Variants in PLA2G12B observed in about 807,000 individuals in gnomAD.
The protein encoded by PLA2G12B is phospholipase A2 group XIIB.
A neutral mutation model predicts 22.3 loss-of-function variants in PLA2G12B; 19 were observed. That is an observed-to-expected ratio of 0.85 (90% CI 0.60 to 1.25). PLA2G12B has a LOEUF of 1.25. Ranked by LOEUF, PLA2G12B falls within the 50% of genes most tolerant of loss-of-function variation. The pLI, the probability that PLA2G12B is intolerant of heterozygous loss-of-function variation, is 0.00. For missense variants in PLA2G12B, 191 were observed against 246.6 expected (o/e 0.77, Z 1.51); for synonymous variants, 81 against 94.9 (o/e 0.85, Z 0.85).
At position 72,949,597 on chromosome 10, in the gene PLA2G12B, C is replaced by T. The variant is rs537582854; in HGVS notation, c.211+4878G>A. ...TGTTACAAAGAACAGATAATGATAA[C>T]GAATGAATAATAAGAGTATTTACTA... On this transcript the variant is annotated intron_variant, in intron 1 of 3. Coordinates refer to ENST00000373032, the MANE Select transcript of PLA2G12B (RefSeq NM_032562.5). Among the ~76,000 whole-genome samples, 15 of 152,194 alleles carry T rather than the reference C, an allele frequency of 9.9e-5. No individual in the cohort carries two copies. In the South Asian group the frequency reaches 1.9e-3, roughly 19 times the overall value.
chr10:72,938,807 T>G (rs1299791425), intron 3 of PLA2G12B, among the ~76,000 whole-genome samples: 1 of 152,128 alleles, frequency 6.6e-6, no homozygotes, highest in African/African-American at 2.4e-5. Flanking sequence ...CTTGGAGAAA[T>G]TGACAAGCAG....
At chr10:72,944,525 G>A (rs1271227217) in intron 1 of PLA2G12B, among the ~76,000 whole-genome samples, 1 of 152,038 alleles carries the variant, frequency 6.6e-6, no homozygotes, top group Non-Finnish European at 1.5e-5. Flanking sequence ...GTATAGATTT[G>A]GAGACAACTG....
At chr10:72,946,403 A>T (rs1314796796) in intron 1 of PLA2G12B, among the ~76,000 whole-genome samples, 2 of 152,242 alleles carry the variant, frequency 1.3e-5, no homozygotes, top group Non-Finnish European at 2.9e-5. Flanking sequence ...TATCATGAAT[A>T]ATACTGCTAC....
At chr10:72,943,500 CA>C (rs1846394306) in intron 1 of PLA2G12B, among the ~76,000 whole-genome samples, 1 of 152,184 alleles carries the variant, frequency 6.6e-6, no homozygotes, top group South Asian at 2.1e-4. Context: ...TAAACGTAGA[CA>C]GAGTATTATT....
chr10:72,944,780 T>C (rs1003988835), intron 1 of PLA2G12B, among the ~76,000 whole-genome samples: 3 of 152,228 alleles, frequency 2.0e-5, no homozygotes. Context: ...TGCTTCTAGC[T>C]TTCTGCTCTA....
rs982633174 is a variant in PLA2G12B, at chr10:72,954,533, A to C, written c.153T>G (p.Asp51Glu). The C allele has an allele frequency of 1.2e-6, 2 of 1,614,202 alleles. No individual in the cohort carries two copies. Among genetic ancestry groups the C allele is most frequent in the East Asian group, 4.5e-5 (2 of 44,866 alleles). ...TCCCTCCCAGCAGCTCCAGAAAAGA[A>C]TCGAAGTAGCTATTGACGGATTCAA... ...GSFESVNSYFDSFLELLGGKN... is the reference protein window; with the variant it reads ...GSFESVNSYFESFLELLGGKN... Residue 51 changes from aspartate (D) to glutamate (E), a missense_variant, in exon 1 of 4, where the codon GAT becomes GAG. Coordinates refer to ENST00000373032, the MANE Select transcript of PLA2G12B (RefSeq NM_032562.5).
chr10:72,939,408 C>A (rs891234051), intron 3 of PLA2G12B, among the ~76,000 whole-genome samples: 51 of 151,496 alleles, frequency 3.4e-4, no homozygotes, highest in African/African-American at 1.2e-3. Flanking sequence ...AAGGAAAAAT[C>A]AAATATTCTG....
intron 1 of PLA2G12B, among the ~76,000 whole-genome samples, chr10:72,952,460 A>C (rs138266861): frequency 4.6e-4 from 70 of 152,360 alleles, no homozygotes; most frequent in African/African-American, 1.6e-3. Context: ...TGGGGCCCAG[A>C]GATCTGGTTG....
At chr10:72,939,070 T>C (rs1283052927) in intron 3 of PLA2G12B, among the ~76,000 whole-genome samples, 4 of 152,208 alleles carry the variant, frequency 2.6e-5, no homozygotes, top group Non-Finnish European at 5.9e-5. Flanking sequence ...ATTCATGGTT[T>C]CCTCAAGCTG....
chr10:72,949,373 C>T (rs1215001237), intron 1 of PLA2G12B, among the ~76,000 whole-genome samples: 1 of 152,086 alleles, frequency 6.6e-6, no homozygotes, highest in Non-Finnish European at 1.5e-5. Flanking sequence ...CTGAATTCGA[C>T]CATATTATTT....
At chr10:72,951,989 T>G (rs1454906686) in intron 1 of PLA2G12B, among the ~76,000 whole-genome samples, 1 of 152,200 alleles carries the variant, frequency 6.6e-6, no homozygotes, top group Non-Finnish European at 1.5e-5. Context: ...GCTGAAGTTC[T>G]CTAAGAATGA....
chr10:72,948,066 G>A (rs567202461), intron 1 of PLA2G12B, among the ~76,000 whole-genome samples: 1 of 152,224 alleles, frequency 6.6e-6, no homozygotes, highest in Non-Finnish European at 1.5e-5. Flanking sequence ...AGTAGAGACG[G>A]GGTTTCACCA....
Position 72,934,849 on chromosome 10 carries a change from T to C in PLA2G12B, c.*768A>G, listed in dbSNP as rs551663540. On this transcript the variant is annotated 3_prime_UTR_variant, in exon 4 of 4. Coordinates refer to ENST00000373032, the MANE Select transcript of PLA2G12B (RefSeq NM_032562.5). ...CACTTGTCTCTCACTCCCGACAGGCTGCAGGGACTTTTCCTAGCTAGCTCC... is the reference window on the plus strand; with the variant it reads ...CACTTGTCTCTCACTCCCGACAGGCCGCAGGGACTTTTCCTAGCTAGCTCC... 6.6e-6 allele frequency among the ~76,000 whole-genome samples: 1 copy of C among 152,346 alleles called. No individual in the cohort carries two copies. Among genetic ancestry groups the C allele is most frequent in the Admixed American group, 6.5e-5 (1 of 15,308 alleles).
chr10:72,949,032 A>G (rs1846485647), intron 1 of PLA2G12B, among the ~76,000 whole-genome samples: 1 of 152,100 alleles, frequency 6.6e-6, no homozygotes, highest in Non-Finnish European at 1.5e-5. Flanking sequence ...CCTTCCCGGG[A>G]GGGTGCGTCC....
chr10:72,944,931 C>T (rs546782639), intron 1 of PLA2G12B, among the ~76,000 whole-genome samples: 17 of 152,306 alleles, frequency 1.1e-4, no homozygotes, highest in Middle Eastern at 3.4e-3. Context: ...ATGTTATACA[C>T]GTCACTTCCT....
In PLA2G12B at chr10:72,948,709, GA is replaced by G. The variant is rs776860669; in HGVS notation, c.211+5765del. On this transcript the variant is annotated intron_variant, in intron 1 of 3. Transcript: ENST00000373032. The stretch of plus-strand genomic sequence containing the variant: ...TGATTTAGCTATGGCTGCTGTCACA[GA>G]AAAAACAGCAGAATACTGTTCTAAT... Among the ~76,000 whole-genome samples, 33 of 152,084 alleles carry G rather than the reference GA, an allele frequency of 2.2e-4. 1 individual carries two copies. The highest frequency in any genetic ancestry group is 4.3e-4 in the Non-Finnish European group (29 of 68,010).
intron 1 of PLA2G12B, among the ~76,000 whole-genome samples, chr10:72,949,547 T>C (rs1369222095): frequency 1.3e-5 from 2 of 152,242 alleles, no homozygotes; most frequent in African/African-American, 4.8e-5. Context: ...CACTCAATGA[T>C]ATGATTTTTC....
At position 72,935,186 on chromosome 10, in the gene PLA2G12B, C is replaced by T. The variant is rs777918536; in HGVS notation, c.*431G>A. ...ATTCATTCATCTCTTTCCAAATGTT[C>T]TAAAAAGTACACTTTATTAAATGTG... is the stretch of plus-strand genomic sequence containing the variant. On this transcript the variant is annotated 3_prime_UTR_variant, in exon 4 of 4. Coordinates refer to ENST00000373032, the MANE Select transcript of PLA2G12B (RefSeq NM_032562.5). The T allele has an allele frequency of 6.4e-6, 1 of 156,240 alleles. No homozygotes were observed. Among genetic ancestry groups the T allele is most frequent in the Non-Finnish European group, 1.4e-5 (1 of 70,876 alleles). 9.7% of individuals were successfully genotyped at this position (156,240 alleles called of 1,614,324 possible).
chr10:72,945,968 CTT>C (rs1846434408), intron 1 of PLA2G12B, among the ~76,000 whole-genome samples: 1 of 152,098 alleles, frequency 6.6e-6, no homozygotes, highest in African/African-American at 2.4e-5. Context: ...ATTTTAATCT[CTT>C]TGTTATATTT....
Sources: gnomAD v4.1 joint callset for allele counts (sites outside exome capture counted in the v4.1 genomes callset) on GRCh38, gnomAD v4.1.1 for gene constraint, MANE v1.5 for transcripts, NCBI Gene and HGNC (gene_info 2026-07-23, HGNC 2026-07-21) for gene names.